CSMD1: variants seen among roughly 807,000 people sequenced by gnomAD.
The protein encoded by CSMD1 is CUB and sushi domain-containing protein 1.
In CSMD1, 213 loss-of-function variants were observed where a neutral mutation model predicts 417.5. That is an observed-to-expected ratio of 0.51 (90% CI 0.46 to 0.57). CSMD1 has a LOEUF of 0.57. Ranked by LOEUF, CSMD1 falls within the 20% of genes least tolerant of loss-of-function variation. CSMD1 has a pLI of 0.00. For missense variants in CSMD1, 6,923 were observed against 4,529.7 expected (o/e 1.53, Z -15.17); for synonymous variants, 2,862 against 1,736.8 (o/e 1.65, Z -16.11).
chr8:4,278,531 A>G (rs1796609025), intron 3 of CSMD1, among the ~76,000 whole-genome samples: 1 of 152,212 alleles, frequency 6.6e-6, no homozygotes, highest in African/African-American at 2.4e-5. Flanking sequence ...CCATTAAAGT[A>G]AGGTACTAAA....
intron 26 of CSMD1, among the ~76,000 whole-genome samples, chr8:3,245,985 C>T (rs1172473572): frequency 6.6e-6 from 1 of 152,098 alleles, no homozygotes; most frequent in African/African-American, 2.4e-5. Flanking sequence ...AGAGGTTTTT[C>T]TGGGTAGGCA....
chr8:4,595,003 G>T (rs1219130646), intron 2 of CSMD1, among the ~76,000 whole-genome samples: 1 of 152,062 alleles, frequency 6.6e-6, no homozygotes, highest in Non-Finnish European at 1.5e-5. Flanking sequence ...AATAAATTTT[G>T]GGATCTGGAA....
At chr8:3,890,350 G>C (rs1379824793) in intron 5 of CSMD1, among the ~76,000 whole-genome samples, 2 of 152,104 alleles carry the variant, frequency 1.3e-5, no homozygotes, top group South Asian at 2.1e-4. Flanking sequence ...GCACTGGGCA[G>C]GGTTTACTAC....
rs560629055 is a variant in CSMD1 at position 4,758,925 on chromosome 8, G to A, written c.86-121367C>T. ...ACATCATTCAGTGGTGAGGGATGAG[G>A]GGGATTTCAGTAGCAGACGGTGGAG... On this transcript the variant is annotated intron_variant, in intron 1 of 69. Coordinates refer to ENST00000635120, the MANE Select transcript of CSMD1 (RefSeq NM_033225.6). 5.3e-5 allele frequency among the ~76,000 whole-genome samples: 8 copies of A among 152,320 alleles called. No individual in the cohort carries two copies. The East Asian group carries it at 1.4e-3, about 26-fold the overall frequency.
At chr8:3,211,340 TG>T (rs1563146783) in intron 30 of CSMD1, among the ~76,000 whole-genome samples, 1 of 152,210 alleles carries the variant, frequency 6.6e-6, no homozygotes, top group Non-Finnish European at 1.5e-5. Context: ...CAGCTTTGTC[TG>T]GTCTAAAATT....
intron 4 of CSMD1, among the ~76,000 whole-genome samples, chr8:4,017,246 A>G (rs1031895271): frequency 6.6e-6 from 1 of 152,060 alleles, no homozygotes; most frequent in African/African-American, 2.4e-5. Context: ...TTTTTTCACA[A>G]TTCAAGGCTA....
intron 26 of CSMD1, among the ~76,000 whole-genome samples, chr8:3,259,479 A>G (rs1800896742): frequency 6.6e-6 from 1 of 152,248 alleles, no homozygotes; most frequent in South Asian, 2.1e-4. Context: ...TAAGTATTCA[A>G]AAGAATTGAA....
chr8:3,368,720 A>G (rs1809762273), intron 19 of CSMD1, among the ~76,000 whole-genome samples: 1 of 152,186 alleles, frequency 6.6e-6, no homozygotes, highest in Non-Finnish European at 1.5e-5. Context: ...TTTATAATCT[A>G]CATTTCCTGC....
chr8:4,480,246 G>C (rs1271260851), intron 2 of CSMD1, among the ~76,000 whole-genome samples: 3 of 151,608 alleles, frequency 2.0e-5, no homozygotes, highest in Non-Finnish European at 4.4e-5. Flanking sequence ...GAAAAAGCAG[G>C]ACTTCTCATG....
intron 1 of CSMD1, among the ~76,000 whole-genome samples, chr8:4,759,944 G>T (rs949136686): frequency 7.2e-5 from 11 of 152,266 alleles, no homozygotes; most frequent in African/African-American, 2.4e-4. Flanking sequence ...GGAATTACTA[G>T]GTCAAAGGGT....
At chr8:4,044,597 G>C (rs1043799683) in intron 3 of CSMD1, among the ~76,000 whole-genome samples, 2 of 152,154 alleles carry the variant, frequency 1.3e-5, no homozygotes, top group Non-Finnish European at 2.9e-5. Context: ...TTAAATCCGG[G>C]TCTCATTTTC....
At chr8:4,725,471 G>A (rs552517494) in intron 1 of CSMD1, among the ~76,000 whole-genome samples, 2 of 152,256 alleles carry the variant, frequency 1.3e-5, no homozygotes, top group South Asian at 2.1e-4. Context: ...TGATAGCTCA[G>A]AAAATACATA....
At chr8:3,127,770 T>A (rs1332354973) in intron 41 of CSMD1, 1 of 151,966 alleles carries the variant, frequency 6.6e-6, no homozygotes, top group Non-Finnish European at 1.5e-5. Flanking sequence ...AAGTTTTCTT[T>A]CCCAAAAAAG....
chr8:3,969,208 A>G (rs2554651), intron 5 of CSMD1, among the ~76,000 whole-genome samples: 1 of 151,992 alleles, frequency 6.6e-6, no homozygotes, highest in Non-Finnish European at 1.5e-5. Context: ...CTAGATCGTG[A>G]CACTGCACTC....
At chr8:3,762,374 C>T (rs1473675894) in intron 5 of CSMD1, among the ~76,000 whole-genome samples, 4 of 152,198 alleles carry the variant, frequency 2.6e-5, no homozygotes, top group Non-Finnish European at 5.9e-5. Flanking sequence ...CTGCCCTGAT[C>T]TCTAAGATCA....
At chr8:4,463,059 C>T (rs1799934562) in intron 2 of CSMD1, among the ~76,000 whole-genome samples, 1 of 152,072 alleles carries the variant, frequency 6.6e-6, no homozygotes, top group African/African-American at 2.4e-5. Context: ...AAATAACTTG[C>T]ATCTGGAATA....
At chr8:3,923,006 C>T (rs1021541721) in intron 5 of CSMD1, among the ~76,000 whole-genome samples, 2 of 152,146 alleles carry the variant, frequency 1.3e-5, no homozygotes, top group African/African-American at 2.4e-5. Context: ...TCCATCTATT[C>T]TTATATGTTA....
At chr8:3,006,481 A>C (rs953729893) in intron 52 of CSMD1, among the ~76,000 whole-genome samples, 3 of 152,132 alleles carry the variant, frequency 2.0e-5, no homozygotes, top group African/African-American at 7.2e-5. Context: ...CCTAAGCCAA[A>C]AGAACAAAGC....
At chr8:3,322,490 A>G (rs2117485914) in intron 23 of CSMD1, among the ~76,000 whole-genome samples, 1 of 152,332 alleles carries the variant, frequency 6.6e-6, no homozygotes, top group African/African-American at 2.4e-5. Flanking sequence ...AATTGCCTTA[A>G]GGGTTCTGGA....
Sources: gnomAD v4.1 joint callset for allele counts (sites outside exome capture counted in the v4.1 genomes callset) on GRCh38, gnomAD v4.1.1 for gene constraint, MANE v1.5 for transcripts, NCBI Gene and HGNC (gene_info 2026-07-23, HGNC 2026-07-21) for gene names.